Variants in UBE4B observed in about 807,000 individuals in gnomAD.
The protein encoded by UBE4B is ubiquitin conjugation factor E4 B.
UBE4B carries 27 observed loss-of-function variants against 148.1 expected under a neutral mutation model. The observed-to-expected ratio is 0.18, with a 90% CI of 0.13 to 0.25. The LOEUF (loss-of-function observed/expected upper bound fraction) is 0.25. Ranked by LOEUF, UBE4B falls within the 10% of genes least tolerant of loss-of-function variation. The probability of loss-of-function intolerance (pLI) is 1.00; values close to 1 mark genes in which losing one functional copy is unlikely to be tolerated. For synonymous variants in UBE4B, 596 were observed against 619.3 expected (o/e 0.96, Z 0.56); for missense variants, 1,170 against 1,662.4 (o/e 0.70, Z 5.15).
intron 1 of UBE4B, among the ~76,000 whole-genome samples, chr1:10,056,032 T>C (rs1464344114): frequency 6.6e-6 from 1 of 152,220 alleles, no homozygotes; most frequent in African/African-American, 2.4e-5. Flanking sequence ...ATGGAGACCA[T>C]ACCATCCACT....
chr1:10,142,657 C>T (rs887401299), intron 17 of UBE4B, among the ~76,000 whole-genome samples: 2 of 151,080 alleles, frequency 1.3e-5, no homozygotes, highest in East Asian at 2.0e-4. Flanking sequence ...GGAGACAGAG[C>T]GAGACTGTCT....
chr1:10,034,189 C>T (rs1257828620), intron 1 of UBE4B, among the ~76,000 whole-genome samples: 3 of 152,140 alleles, frequency 2.0e-5, no homozygotes, highest in Non-Finnish European at 4.4e-5. Flanking sequence ...GGTTTACAGA[C>T]AGATTCTTTG....
In UBE4B at chr1:10,042,511, G is replaced by T. The variant is rs563682343; in HGVS notation, c.24+8817G>T. ...AAAATACAAAAATTAGCCGGGCGTG[G>T]TGGTGCACGCCTGTAATCCTAGCAA... On this transcript the variant is annotated intron_variant, in intron 1 of 27. Coordinates refer to ENST00000343090, the MANE Select transcript of UBE4B (RefSeq NM_001105562.3). Among the ~76,000 whole-genome samples the T allele has an allele frequency of 3.9e-5, 6 of 152,282 alleles. No individual in the cohort carries two copies. The East Asian group carries it at 1.2e-3, about 29-fold the overall frequency.
In UBE4B at chr1:10,150,281, A is replaced by G. The variant is rs559435643; in HGVS notation, c.2690+999A>G. ...GGTATGAAATTTTAAAAGTGACTCA[A>G]AAACGTGGTTTATTTGTTGAAAAAC... On this transcript the variant is annotated intron_variant, in intron 20 of 27. Coordinates refer to ENST00000343090, the MANE Select transcript of UBE4B (RefSeq NM_001105562.3). 1.0e-3 allele frequency among the ~76,000 whole-genome samples: 157 copies of G among 152,310 alleles called. 1 individual carries two copies. Among genetic ancestry groups the G allele is most frequent in the African/African-American group, 3.5e-3 (144 of 41,568 alleles).
intron 7 of UBE4B, among the ~76,000 whole-genome samples, chr1:10,112,735 C>A (rs1645242662): frequency 6.6e-6 from 1 of 152,182 alleles, no homozygotes; most frequent in Non-Finnish European, 1.5e-5. Context: ...GTATCACACT[C>A]AAAATTTGAA....
At chr1:10,115,846 G>C (rs910628990) in intron 7 of UBE4B, among the ~76,000 whole-genome samples, 2 of 152,144 alleles carry the variant, frequency 1.3e-5, no homozygotes, top group African/African-American at 4.8e-5. Flanking sequence ...TAGGCAATTA[G>C]ATGCTTATGC....
At chr1:10,059,583 C>T (rs1192007111) in intron 1 of UBE4B, 2 of 212,238 alleles carry the variant, frequency 9.4e-6, no homozygotes, top group Non-Finnish European at 2.0e-5. Flanking sequence ...CCATTGAGCT[C>T]ATGCAGTTCC....
chr1:10,134,222 A>G (rs1557584649), intron 15 of UBE4B, among the ~76,000 whole-genome samples: 1 of 152,160 alleles, frequency 6.6e-6, no homozygotes, highest in Admixed American at 6.6e-5. Context: ...AAAAGAATGT[A>G]TAAAATGGCC....
chr1:10,035,091 C>G (rs987952206), intron 1 of UBE4B, among the ~76,000 whole-genome samples: 7 of 151,804 alleles, frequency 4.6e-5, no homozygotes, highest in Non-Finnish European at 1.0e-4. Context: ...CTCCGCCTCC[C>G]GGGTTCACAC....
At position 10,161,098 on chromosome 1, in the gene UBE4B, T is replaced by G; in HGVS notation, c.3054-44T>G. 1 of 1,598,152 alleles carries G rather than the reference T, an allele frequency of 6.3e-7. No individual in the cohort carries two copies. The highest frequency in any genetic ancestry group is 8.6e-7 in the Non-Finnish European group (1 of 1,168,520). ...CCTGGGATTTGCTGTGGCATTTTGC[T>G]TCAGGGAGATGTATGACCATGTACA... On this transcript the variant is annotated intron_variant, in intron 22 of 27. Transcript: ENST00000343090. This position sits in a 1 kb window ranked among gnomAD's most constrained non-coding sequence, Gnocchi z 4.1.
At chr1:10,119,422 T>C in intron 8 of UBE4B, 91 bp from the exon 9 acceptor site, 1 of 1,279,214 alleles carries the variant, frequency 7.8e-7, no homozygotes, top group Non-Finnish European at 1.1e-6. Flanking sequence ...CGCTGTTTAC[T>C]GATGGTCCAT....
intron 1 of UBE4B, among the ~76,000 whole-genome samples, chr1:10,034,721 A>G (rs2101757219): frequency 6.6e-6 from 1 of 152,332 alleles, no homozygotes; most frequent in South Asian, 2.1e-4. Context: ...CTCCAGTTTT[A>G]GCTACAGAGT....
intron 24 of UBE4B, among the ~76,000 whole-genome samples, chr1:10,170,539 T>A (rs1646323794): frequency 1.3e-5 from 2 of 152,252 alleles, no homozygotes; most frequent in South Asian, 4.1e-4. Flanking sequence ...CTTGTGAGAT[T>A]ACAGCATAGA....
intron 3 of UBE4B, 103 bp from the exon 4 acceptor site, chr1:10,101,005 C>A: frequency 1.0e-6 from 1 of 967,988 alleles, no homozygotes. Context: ...ATTTTCCTTT[C>A]CTGATTAACT....
At position 10,130,615 on chromosome 1, in the gene UBE4B, A is replaced by G; in HGVS notation, c.1811A>G (p.Asp604Gly). The change falls in exon 13 of 28, where the codon GAT (aspartate) becomes GGT (glycine). Residue 604 changes from aspartate (D) to glycine (G), a missense_variant and splice_region_variant. By Grantham distance (94) the Asp-to-Gly change is moderately conservative. This residue lies in a region of UBE4B where 388 missense variants were observed against 536.0 expected (regional missense o/e 0.72). Coordinates refer to ENST00000343090, the MANE Select transcript of UBE4B (RefSeq NM_001105562.3). ...FFSFSVFAED[D>G]VKVVEKYFSG... Reference sequence around the variant, plus strand: ...AGCTTCTCAGTCTTTGCAGAAGATGATGTAAGTATAGTGGCTACTTGTACT... The same window carrying G: ...AGCTTCTCAGTCTTTGCAGAAGATGGTGTAAGTATAGTGGCTACTTGTACT... The G allele has an allele frequency of 6.2e-7, 1 of 1,614,044 alleles. No individual in the cohort carries two copies. The highest frequency in any genetic ancestry group is 8.5e-7 in the Non-Finnish European group (1 of 1,179,894).
intron 10 of UBE4B, among the ~76,000 whole-genome samples, chr1:10,125,658 T>G (rs898443862): frequency 6.6e-6 from 1 of 152,258 alleles, no homozygotes; most frequent in Non-Finnish European, 1.5e-5. Context: ...AACATTTCTA[T>G]TTAATGTTAT....
intron 22 of UBE4B, among the ~76,000 whole-genome samples, 179 bp from the exon 23 acceptor site, chr1:10,160,961 CAT>C (rs1168224017): frequency 6.6e-6 from 1 of 152,018 alleles, no homozygotes; most frequent in African/African-American, 2.4e-5. Flanking sequence ...ACAAGATTAA[CAT>C]AATCTAAAGA....
intron 23 of UBE4B, among the ~76,000 whole-genome samples, chr1:10,164,507 G>A (rs1158818015): frequency 6.6e-6 from 1 of 152,190 alleles, no homozygotes; most frequent in African/African-American, 2.4e-5. Context: ...GAGCCACCAT[G>A]GCTGGCCAGC....
In UBE4B at chr1:10,072,151, T is replaced by C. The variant is rs771333173; in HGVS notation, c.148T>C (p.Ser50Pro). ...CATAGCGGCATCAGCCCCAGGACCC[T>C]CTCAGAGTCTTGGTCTCAATGTCCA... ...PPIAASAPGPSQSLGLNVHNM... is the reference protein window; with the variant it reads ...PPIAASAPGPPQSLGLNVHNM... Residue 50 changes from serine (S) to proline (P), a missense_variant, in exon 2 of 28, where the codon TCT becomes CCT. Ser to Pro is a moderately conservative substitution (Grantham distance 74). Coordinates refer to ENST00000343090, the MANE Select transcript of UBE4B (RefSeq NM_001105562.3). The C allele has an allele frequency of 6.2e-7, 1 of 1,613,822 alleles. No homozygotes were observed. The highest frequency in any genetic ancestry group is 8.5e-7 in the Non-Finnish European group (1 of 1,179,902).
Sources: allele counts gnomAD v4.1 joint callset (sites outside exome capture counted in the v4.1 genomes callset), GRCh38; gene constraint gnomAD v4.1.1; regional missense constraint gnomAD v4.1.1; non-coding constraint Gnocchi (gnomAD v3.1); transcripts MANE v1.5; gene names NCBI Gene and HGNC (gene_info 2026-07-23, HGNC 2026-07-21).